The following WBP1L variants were observed in gnomAD, a reference collection of about 807,000 sequenced individuals.
WBP1L encodes the protein WW domain binding protein 1 like, also known as WW domain binding protein 1-like.
In WBP1L, 17 loss-of-function variants were observed where a neutral mutation model predicts 33.7. That is an observed-to-expected ratio of 0.50 (90% CI 0.34 to 0.76). The LOEUF (loss-of-function observed/expected upper bound fraction) is 0.76. WBP1L is among the 30% of genes least tolerant of loss of function. The pLI, the probability that WBP1L is intolerant of heterozygous loss-of-function variation, is 0.01. For missense variants in WBP1L, 389 were observed against 469.4 expected, an observed-to-expected ratio of 0.83 and a Z score of 1.58; for synonymous variants, 173 against 190.8, an observed-to-expected ratio of 0.91 and a Z score of 0.77.
At chr10:102,803,868 AT>A (rs1843694650) in intron 2 of WBP1L, 1 of 151,862 alleles carries the variant, frequency 6.6e-6, no homozygotes, top group Admixed American at 6.6e-5. Context: ...AAGTGCTGGG[AT>A]TCTAGCCTTG....
intron 1 of WBP1L, among the ~76,000 whole-genome samples, chr10:102,748,470 T>C (rs372779153): frequency 6.6e-6 from 1 of 152,318 alleles, no homozygotes; most frequent in Non-Finnish European, 1.5e-5. Context: ...TTCCTCCTTA[T>C]ACAATAGTGG....
chr10:102,746,868 A>G (rs1842869774), intron 1 of WBP1L, among the ~76,000 whole-genome samples: 1 of 152,160 alleles, frequency 6.6e-6, no homozygotes, highest in South Asian at 2.1e-4. Flanking sequence ...TTTTTTACAT[A>G]CACATTTACC....
At chr10:102,762,657 G>A (rs911208828) in intron 1 of WBP1L, among the ~76,000 whole-genome samples, 5 of 152,140 alleles carry the variant, frequency 3.3e-5, no homozygotes, top group African/African-American at 9.7e-5. Context: ...AACTTACGAC[G>A]TTTGCCCTCA....
At chr10:102,780,382 T>A (rs1379488921) in intron 1 of WBP1L, among the ~76,000 whole-genome samples, 2 of 152,214 alleles carry the variant, frequency 1.3e-5, no homozygotes, top group Admixed American at 1.3e-4. Context: ...GTTTTCTGGT[T>A]AAGAGAAATT....
chr10:102,800,654 C>T (rs541377436), intron 2 of WBP1L, among the ~76,000 whole-genome samples: 2 of 152,168 alleles, frequency 1.3e-5, no homozygotes, highest in African/African-American at 4.8e-5. Flanking sequence ...AAAAGCAAAA[C>T]GCCCTTCTCA....
rs116790461 is a variant in WBP1L, at chr10:102,811,968, T to C, written c.356-627T>C. Among the ~76,000 whole-genome samples, 300 of 152,344 alleles carry C rather than the reference T, an allele frequency of 2.0e-3. 1 individual carries two copies. Among genetic ancestry groups the C allele is most frequent in the African/African-American group, 7.0e-3 (291 of 41,564 alleles). ...AAAGATAACTCACCTAGCATGTTTT[T>C]AATAAGCCTTGGATGGCAGAGGCCC... On this transcript the variant is annotated intron_variant, in intron 3 of 3. Transcript: ENST00000448841.
chr10:102,810,561 T>TTTA (rs1843821887), intron 3 of WBP1L, among the ~76,000 whole-genome samples: 1 of 51,646 alleles, frequency 1.9e-5, no homozygotes, highest in African/African-American at 5.4e-5. Flanking sequence ...TCTCTCTCTA[T>TTTA]TTCTTTTTTT....
At chr10:102,802,110 C>T (rs1843666327) in intron 2 of WBP1L, among the ~76,000 whole-genome samples, 1 of 54,246 alleles carries the variant, frequency 1.8e-5, no homozygotes, top group South Asian at 5.4e-4. Context: ...CTCCTTCCAC[C>T]TTCTCCTTCC....
chr10:102,767,893 T>A (rs1332037875), intron 1 of WBP1L, among the ~76,000 whole-genome samples: 3 of 152,194 alleles, frequency 2.0e-5, no homozygotes, highest in Non-Finnish European at 4.4e-5. Context: ...TGTGTACATG[T>A]GTAGGGCCTT....
At chr10:102,783,034 G>A (rs1162811200) in intron 1 of WBP1L, among the ~76,000 whole-genome samples, 2 of 152,310 alleles carry the variant, frequency 1.3e-5, no homozygotes, top group South Asian at 2.1e-4. Context: ...CATCGAGGGT[G>A]TGAAATCCCT....
At chr10:102,753,087 G>C (rs1564752916) in intron 1 of WBP1L, among the ~76,000 whole-genome samples, 1 of 152,156 alleles carries the variant, frequency 6.6e-6, no homozygotes, top group African/African-American at 2.4e-5. Flanking sequence ...AATGGCTTGG[G>C]TTGGTTCCTT....
intron 1 of WBP1L, among the ~76,000 whole-genome samples, chr10:102,754,845 C>T (rs1042128645): frequency 6.6e-6 from 1 of 152,094 alleles, no homozygotes; most frequent in Admixed American, 6.6e-5. Flanking sequence ...GCTAGGACTA[C>T]AGGCACACAC....
At chr10:102,790,800 C>T (rs1484094523) in intron 1 of WBP1L, among the ~76,000 whole-genome samples, 7 of 152,140 alleles carry the variant, frequency 4.6e-5, no homozygotes, top group African/African-American at 7.2e-5. Flanking sequence ...CGTGAGCCAC[C>T]GCGCCTGGCC....
At chr10:102,767,802 A>T (rs903174218) in intron 1 of WBP1L, among the ~76,000 whole-genome samples, 4 of 152,216 alleles carry the variant, frequency 2.6e-5, no homozygotes, top group African/African-American at 9.6e-5. Context: ...TAAAATAGAA[A>T]TTCCTATATT....
chr10:102,795,502 G>A (rs922454955), intron 1 of WBP1L, among the ~76,000 whole-genome samples: 1 of 152,216 alleles, frequency 6.6e-6, no homozygotes, highest in East Asian at 1.9e-4. Flanking sequence ...CTGCCTCGGT[G>A]CACAGAAGAT....
intron 1 of WBP1L, among the ~76,000 whole-genome samples, chr10:102,755,486 G>T (rs538752065): frequency 2.0e-5 from 3 of 151,928 alleles, no homozygotes; most frequent in Middle Eastern, 3.4e-3. Flanking sequence ...CCGCCTCCTG[G>T]GTACAAGTGA....
At chr10:102,785,536 A>T (rs1003670477) in intron 1 of WBP1L, among the ~76,000 whole-genome samples, 1 of 150,104 alleles carries the variant, frequency 6.7e-6, no homozygotes, top group Non-Finnish European at 1.5e-5. Flanking sequence ...GTAGGCATAG[A>T]ACTCATTAGT....
chr10:102,754,760 A>G (rs1444646822), intron 1 of WBP1L, among the ~76,000 whole-genome samples: 1 of 151,958 alleles, frequency 6.6e-6, no homozygotes, highest in Non-Finnish European at 1.5e-5. Flanking sequence ...GCTGGAGTAC[A>G]GTGGCGCAAT....
chr10:102,764,180 TG>T (rs1843080329), intron 1 of WBP1L, among the ~76,000 whole-genome samples: 1 of 152,180 alleles, frequency 6.6e-6, no homozygotes, highest in South Asian at 2.1e-4. Flanking sequence ...AGAAGAAGGA[TG>T]ATGACTTATG....
Sources: gnomAD v4.1 joint callset for allele counts (sites outside exome capture counted in the v4.1 genomes callset) on GRCh38, gnomAD v4.1.1 for gene constraint, MANE v1.5 for transcripts, NCBI Gene and HGNC (gene_info 2026-07-23, HGNC 2026-07-21) for gene names.